Variants in LRRC8D observed in about 807,000 individuals in gnomAD.
LRRC8D encodes the protein leucine rich repeat containing 8 VRAC subunit D.
LRRC8D carries 20 observed loss-of-function variants against 55.8 expected under a neutral mutation model. That is an observed-to-expected ratio of 0.36 (90% CI 0.25 to 0.52). The LOEUF is 0.52. LRRC8D is among the 20% of genes least tolerant of loss of function. The probability of loss-of-function intolerance (pLI) is 0.93; values close to 1 mark genes in which losing one functional copy is unlikely to be tolerated. For missense variants in LRRC8D, 651 were observed against 1,030.8 expected (o/e 0.63, Z 5.05); for synonymous variants, 352 against 377.0 (o/e 0.93, Z 0.77).
Position 89,881,519 on chromosome 1 carries a change from A to G in LRRC8D, c.-3+37737A>G, listed in dbSNP as rs558588006. On this transcript the variant is annotated intron_variant, in intron 2 of 2. Coordinates refer to ENST00000337338, the MANE Select transcript of LRRC8D (RefSeq NM_001134479.2). ...TTTCTCCAAACATGTTCAGCAGCCCAGGTACAGTTGCAGAGTAGGTGGAGA... is the reference window on the plus strand; with the variant it reads ...TTTCTCCAAACATGTTCAGCAGCCCGGGTACAGTTGCAGAGTAGGTGGAGA... 2.0e-5 allele frequency among the ~76,000 whole-genome samples: 3 copies of G among 152,298 alleles called. No homozygotes were observed. In the East Asian group the frequency reaches 5.8e-4, roughly 29 times the overall value.
At chr1:89,895,788 A>T (rs979374495) in intron 2 of LRRC8D, among the ~76,000 whole-genome samples, 2 of 152,200 alleles carry the variant, frequency 1.3e-5, no homozygotes, top group Non-Finnish European at 2.9e-5. Context: ...TAATCTCTTT[A>T]TCATGTTTCT....
chr1:89,861,002 C>T (rs1661705888), intron 2 of LRRC8D, among the ~76,000 whole-genome samples: 1 of 151,774 alleles, frequency 6.6e-6, no homozygotes, highest in South Asian at 2.1e-4. Flanking sequence ...ATGCAAGGAA[C>T]AAATCAACTT....
chr1:89,885,667 C>G (rs1427502630), intron 2 of LRRC8D, among the ~76,000 whole-genome samples: 3 of 152,134 alleles, frequency 2.0e-5, no homozygotes, highest in Non-Finnish European at 4.4e-5. Context: ...ATCAGAGAAC[C>G]CTTATTCTAC....
At chr1:89,848,134 G>A (rs12083115) in intron 2 of LRRC8D, among the ~76,000 whole-genome samples, 2,197 of 152,220 alleles carry the variant, frequency 0.014, 58 homozygotes, top group African/African-American at 0.048. Flanking sequence ...TCATGTTTCC[G>A]GGCTAATCGT....
intron 1 of LRRC8D, among the ~76,000 whole-genome samples, chr1:89,827,500 T>C (rs756514292): frequency 3.9e-5 from 6 of 152,200 alleles, no homozygotes; most frequent in Admixed American, 6.5e-5. Context: ...CTAGAATGTT[T>C]GGACATTGCT....
intron 2 of LRRC8D, among the ~76,000 whole-genome samples, chr1:89,902,632 G>T (rs1360924541): frequency 6.6e-6 from 1 of 151,830 alleles, no homozygotes; most frequent in Non-Finnish European, 1.5e-5. Context: ...CGCCTCCTAG[G>T]TCCACGCCAT....
At chr1:89,862,034 G>A (rs78060239) in intron 2 of LRRC8D, among the ~76,000 whole-genome samples, 1,577 of 152,244 alleles carry the variant, frequency 0.01, 21 homozygotes, top group African/African-American at 0.036. Flanking sequence ...CAGTTGCTTG[G>A]CAGAGTGATA....
chr1:89,912,359 T>C (rs1663153936), intron 2 of LRRC8D, among the ~76,000 whole-genome samples: 1 of 152,194 alleles, frequency 6.6e-6, no homozygotes. Context: ...TTCCCTGAGT[T>C]GTACCCTGGA....
intron 2 of LRRC8D, among the ~76,000 whole-genome samples, chr1:89,914,641 G>A (rs1445760341): frequency 6.6e-6 from 1 of 151,942 alleles, no homozygotes; most frequent in Non-Finnish European, 1.5e-5. Context: ...TGGTTTTCCT[G>A]GAAACGTCCC....
intron 1 of LRRC8D, among the ~76,000 whole-genome samples, chr1:89,837,318 C>T (rs1478434615): frequency 6.6e-6 from 1 of 152,152 alleles, no homozygotes; most frequent in Non-Finnish European, 1.5e-5. Flanking sequence ...GCCTAGTGCC[C>T]CTAGACAAGT....
At chr1:89,864,451 T>A (rs542691639) in intron 2 of LRRC8D, among the ~76,000 whole-genome samples, 1 of 152,322 alleles carries the variant, frequency 6.6e-6, no homozygotes, top group African/African-American at 2.4e-5. Flanking sequence ...TTCCATGATG[T>A]ATCCTTCTCA....
At chr1:89,882,696 A>G (rs530600125) in intron 2 of LRRC8D, among the ~76,000 whole-genome samples, 1 of 152,366 alleles carries the variant, frequency 6.6e-6, no homozygotes, top group South Asian at 2.1e-4. Flanking sequence ...GTGCTAATAA[A>G]TGTTGATTGA....
chr1:89,837,638 G>A (rs774378577), intron 1 of LRRC8D, among the ~76,000 whole-genome samples: 2 of 152,200 alleles, frequency 1.3e-5, no homozygotes, highest in Admixed American at 1.3e-4. Context: ...TCATAGGGTT[G>A]TTGTCAGGAA....
intron 2 of LRRC8D, among the ~76,000 whole-genome samples, chr1:89,932,288 T>G (rs542271727): frequency 1.3e-5 from 2 of 152,316 alleles, no homozygotes; most frequent in East Asian, 3.9e-4. Flanking sequence ...CATGGCCACC[T>G]GAGTCTTGAG....
At chr1:89,919,545 C>T (rs986268381) in intron 2 of LRRC8D, among the ~76,000 whole-genome samples, 3 of 152,142 alleles carry the variant, frequency 2.0e-5, no homozygotes, top group African/African-American at 7.2e-5. Context: ...CTAAGATGTC[C>T]ATTTTGCAGA....
intron 2 of LRRC8D, among the ~76,000 whole-genome samples, chr1:89,890,890 TA>T (rs1456323632): frequency 3.9e-5 from 6 of 152,136 alleles, no homozygotes. Flanking sequence ...TTTTGTTTTT[TA>T]TTTTTTTTAG....
intron 2 of LRRC8D, among the ~76,000 whole-genome samples, chr1:89,866,717 C>T (rs17130906): frequency 0.025 from 3,759 of 152,198 alleles, 170 homozygotes; most frequent in African/African-American, 0.086. Flanking sequence ...CCGATAGGCT[C>T]TCTGTTGGGG....
At chr1:89,860,786 AT>A (rs1277133757) in intron 2 of LRRC8D, among the ~76,000 whole-genome samples, 1,465 of 20,998 alleles carry the variant, frequency 0.07, 36 homozygotes, top group Non-Finnish European at 0.1. Flanking sequence ...AAAAAAAAAA[AT>A]ATATATATAT....
rs1381703702 is a variant in LRRC8D, at chr1:89,933,983, T to C, written c.915T>C (p.Tyr305=). The C allele has an allele frequency of 7.4e-6, 12 of 1,614,202 alleles. No individual in the cohort carries two copies. The highest frequency in any genetic ancestry group is 1.6e-4 in the Middle Eastern group (1 of 6,062). The change falls in exon 3 of 3, where the codon TAT becomes TAC. Residue 305 remains tyrosine (Y), a synonymous_variant. Transcript: ENST00000337338. This position sits in a 1 kb window ranked among gnomAD's most constrained non-coding sequence, Gnocchi z 7.0. ...RAHVEDSDLI[Y]KLYVVQTVIK... ...ATGTGGAAGATAGTGACTTGATCTA[T>C]AAACTCTATGTGGTCCAAACAGTTA...
Sources: gnomAD v4.1 joint callset for allele counts (sites outside exome capture counted in the v4.1 genomes callset) on GRCh38, gnomAD v4.1.1 for gene constraint, Gnocchi (gnomAD v3.1) non-coding constraint, MANE v1.5 for transcripts, NCBI Gene and HGNC (gene_info 2026-07-23, HGNC 2026-07-21) for gene names.